The following CC2D2B variants were observed in gnomAD, a reference collection of about 807,000 sequenced individuals.
CC2D2B encodes coiled-coil and C2 domain containing 2B, also known as protein CC2D2B.
CC2D2B carries 128 observed loss-of-function variants against 161.2 expected under a neutral mutation model. The ratio of observed to expected loss-of-function variants is 0.79; its 90% CI spans 0.69 to 0.92. The LOEUF is 0.92. CC2D2B is among the 40% of genes least tolerant of loss of function. The probability of loss-of-function intolerance (pLI) is 0.00; values close to 1 mark genes in which losing one functional copy is unlikely to be tolerated. For missense variants in CC2D2B, 1,173 were observed against 1,375.1 expected (o/e 0.85, Z 2.32); for synonymous variants, 391 against 449.8 (o/e 0.87, Z 1.65).
Position 96,019,840 on chromosome 10 carries a change from C to T in CC2D2B, c.3888+16C>T. On this transcript the variant is annotated intron_variant, in intron 32 of 34. Transcript: ENST00000646931. ...AAGCATACAGGTAAATCATATTTTC[C>T]CAGGGGTGTCTGTATGAGAGTTACC... 6.3e-7 allele frequency: 1 copy of T among 1,595,358 alleles called. No homozygotes were observed. The highest frequency in any genetic ancestry group is 1.1e-5 in the South Asian group (1 of 86,976).
intron 9 of CC2D2B, among the ~76,000 whole-genome samples, chr10:95,944,737 A>G (rs571280590): frequency 6.6e-6 from 1 of 152,350 alleles, no homozygotes; most frequent in Admixed American, 6.5e-5. Context: ...CACTGGGCTG[A>G]ACAAGTAACT....
chr10:96,023,859 C>A (rs1482799086), intron 32 of CC2D2B, among the ~76,000 whole-genome samples: 1 of 152,138 alleles, frequency 6.6e-6, no homozygotes, highest in Non-Finnish European at 1.5e-5. Flanking sequence ...CAGGTGAGGG[C>A]CAAGAATTTG....
chr10:96,012,761 G>T, intron 28 of CC2D2B, 32 bp downstream of exon 28: 1 of 1,290,150 alleles, frequency 7.8e-7, no homozygotes, highest in Admixed American at 1.7e-5. Flanking sequence ...CATCTTCATT[G>T]TGATTAAAGG....
chr10:96,028,019 A>T (rs982622476), intron 34 of CC2D2B, among the ~76,000 whole-genome samples: 4 of 152,206 alleles, frequency 2.6e-5, no homozygotes, highest in Non-Finnish European at 5.9e-5. Context: ...TAAGGCCTCA[A>T]ACTATGAAAT....
intron 15 of CC2D2B, among the ~76,000 whole-genome samples, chr10:95,970,000 C>T (rs1383774378): frequency 6.6e-6 from 1 of 151,788 alleles, no homozygotes; most frequent in Non-Finnish European, 1.5e-5. Context: ...AATCGATATG[C>T]CCTAGCCTAA....
chr10:95,916,164 T>G (rs1349725010), intron 2 of CC2D2B, among the ~76,000 whole-genome samples: 1 of 152,158 alleles, frequency 6.6e-6, no homozygotes, highest in Non-Finnish European at 1.5e-5. Context: ...TCATTTCTTC[T>G]AGGTTTTTAA....
At chr10:95,934,446 A>AAAAC (rs1554830779) in intron 6 of CC2D2B, among the ~76,000 whole-genome samples, 16 of 149,862 alleles carry the variant, frequency 1.1e-4, no homozygotes, top group South Asian at 6.4e-4. Flanking sequence ...TGAAAAAAAA[A>AAAAC]AAACAAACAA....
At chr10:95,928,287 C>A (rs150388600) in intron 6 of CC2D2B, among the ~76,000 whole-genome samples, 2 of 151,692 alleles carry the variant, frequency 1.3e-5, no homozygotes, top group African/African-American at 4.8e-5. Context: ...AGTATAAAAA[C>A]GTAATGCAGA....
chr10:95,993,769 TGTATATATATAGA>T (rs2141683374), intron 22 of CC2D2B, among the ~76,000 whole-genome samples: 1 of 146,188 alleles, frequency 6.8e-6, no homozygotes, highest in African/African-American at 2.5e-5. Context: ...AGAAAGAGTG[TGTATATATATAGA>T]GTATATATAT....
intron 21 of CC2D2B, 68 bp from the exon 22 acceptor site, chr10:95,992,459 C>G (rs2077994932): frequency 8.8e-7 from 1 of 1,134,572 alleles, no homozygotes; most frequent in Non-Finnish European, 1.1e-6. Context: ...TTCAATTACT[C>G]AAAAGACTGT....
At position 96,019,729 on chromosome 10, in the gene CC2D2B, A is replaced by G; in HGVS notation, c.3793A>G (p.Thr1265Ala). ...CTGGTTTAATATTCAACAAAATAATACACCAATGGCTGTATTTTTTGACTA... is the reference window on the plus strand; with the variant it reads ...CTGGTTTAATATTCAACAAAATAATGCACCAATGGCTGTATTTTTTGACTA... ...NVWFNIQQNNTPMAVFFDYSK... is the reference protein window; with the variant it reads ...NVWFNIQQNNAPMAVFFDYSK... The change falls in exon 32 of 35, where the codon ACA (threonine) becomes GCA (alanine). Residue 1265 changes from threonine (T) to alanine (A), a missense_variant. Around this residue, in one of 3 missense-constraint regions of CC2D2B, gnomAD observed 598 missense variants for 693.2 expected, o/e 0.86. Transcript: ENST00000646931. 1.3e-6 allele frequency: 2 copies of G among 1,598,932 alleles called. No homozygotes were observed. The highest frequency in any genetic ancestry group is 1.7e-6 in the Non-Finnish European group (2 of 1,175,082).
chr10:96,027,180 G>A, intron 33 of CC2D2B, 32 bp from the exon 34 acceptor site: 1 of 1,405,430 alleles, frequency 7.1e-7, no homozygotes, highest in Non-Finnish European at 9.5e-7. Context: ...GTTATAACTT[G>A]TCATAAAATT....
chr10:95,979,512 G>A (rs2077436941), intron 17 of CC2D2B, among the ~76,000 whole-genome samples: 1 of 151,948 alleles, frequency 6.6e-6, no homozygotes, highest in South Asian at 2.1e-4. Flanking sequence ...CAGATCTTTG[G>A]CTTAAAATGA....
intron 34 of CC2D2B, 82 bp downstream of exon 34, chr10:96,027,471 C>T (rs2079833009): frequency 2.1e-6 from 2 of 970,978 alleles, no homozygotes; most frequent in Non-Finnish European, 3.0e-6. Flanking sequence ...TTAAATATTT[C>T]TGAAAGGCCT....
chr10:95,910,857 T>A (rs2098505091), intron 1 of CC2D2B, among the ~76,000 whole-genome samples: 1 of 152,200 alleles, frequency 6.6e-6, no homozygotes, highest in African/African-American at 2.4e-5. Context: ...AAATAATTCC[T>A]TAGTATCTTG....
chr10:95,949,347 G>A (rs1167796945), intron 9 of CC2D2B, among the ~76,000 whole-genome samples: 1 of 16,346 alleles, frequency 6.1e-5, no homozygotes, highest in Admixed American at 6.0e-4. Flanking sequence ...ATGAGTTCAT[G>A]TCCTTTGTAG....
At chr10:95,947,450 T>TA (rs143961373) in intron 9 of CC2D2B, among the ~76,000 whole-genome samples, 36,771 of 150,362 alleles carry the variant, frequency 0.24, 5,885 homozygotes, top group Admixed American at 0.35. Context: ...TGCTTTTACT[T>TA]AAAAAAAAGG....
chr10:95,955,556 C>G (rs2076542370), intron 11 of CC2D2B, 65 bp downstream of exon 11: 1 of 396,562 alleles, frequency 2.5e-6, no homozygotes, highest in African/African-American at 2.1e-5. Flanking sequence ...CAAAGTACTG[C>G]ACTTGCTATG....
intron 11 of CC2D2B, among the ~76,000 whole-genome samples, chr10:95,959,764 A>G (rs942056197): frequency 1.3e-5 from 2 of 152,164 alleles, no homozygotes; most frequent in Non-Finnish European, 2.9e-5. Flanking sequence ...CAATGTGTTG[A>G]TTAGTGTAAT....
Sources: gnomAD v4.1 joint callset for allele counts (sites outside exome capture counted in the v4.1 genomes callset) on GRCh38, gnomAD v4.1.1 for gene constraint, gnomAD v4.1.1 regional missense constraint, MANE v1.5 for transcripts, NCBI Gene and HGNC (gene_info 2026-07-23, HGNC 2026-07-21) for gene names.